RBFOX3: variants seen among roughly 807,000 people sequenced by gnomAD.
RBFOX3 encodes the protein RNA binding protein fox-1 homolog 3.
In RBFOX3, 17 loss-of-function variants were observed where a neutral mutation model predicts 48.7. That is an observed-to-expected ratio of 0.35 (90% confidence interval 0.24 to 0.52). The LOEUF (loss-of-function observed/expected upper bound fraction) is 0.52. Among genes scored for constraint, RBFOX3 ranks in the 20% least tolerant of loss-of-function variants. RBFOX3 has a pLI of 0.94. For synonymous variants in RBFOX3, 212 were observed against 209.5 expected (o/e 1.01, Z -0.10); for missense variants, 382 against 497.5 (o/e 0.77, Z 2.21).
chr17:79,449,741 G>A (rs1473953741), intron 2 of RBFOX3, among the ~76,000 whole-genome samples: 2 of 151,876 alleles, frequency 1.3e-5, no homozygotes, highest in African/African-American at 2.4e-5. Context: ...CCCAGCTCTG[G>A]GGGCGCACAT....
In RBFOX3 at chr17:79,212,013, G is replaced by A. The variant is rs191624086; in HGVS notation, c.-34+23753C>T. ...GAGGTTGTGGCCAGGCCAAGCTCCC[G>A]AAAGCTCTGGTCTCCTGGGGTCTTG... On this transcript the variant is annotated intron_variant, in intron 4 of 14. Coordinates refer to ENST00000693108, the MANE Select transcript of RBFOX3 (RefSeq NM_001350451.2). This position sits in a 1 kb window ranked among gnomAD's most constrained non-coding sequence, Gnocchi z 4.7. Among the ~76,000 whole-genome samples the A allele has an allele frequency of 4.6e-5, 7 of 152,170 alleles. No individual in the cohort carries two copies. Among genetic ancestry groups the A allele is most frequent in the Admixed American group, 2.6e-4 (4 of 15,278 alleles).
chr17:79,090,942 G>T, intron 14 of RBFOX3, 57 bp from the exon 15 acceptor site: 1 of 1,520,756 alleles, frequency 6.6e-7, no homozygotes, highest in Non-Finnish European at 8.8e-7. Flanking sequence ...CACAGCAGGT[G>T]TGAAGGCGAC....
At chr17:79,206,761 G>A (rs2057553790) in intron 4 of RBFOX3, among the ~76,000 whole-genome samples, 1 of 152,160 alleles carries the variant, frequency 6.6e-6, no homozygotes, top group Non-Finnish European at 1.5e-5. Context: ...GTGGGCTATG[G>A]CAGCTGGTGG....
chr17:79,276,626 A>G (rs566366150), intron 3 of RBFOX3, among the ~76,000 whole-genome samples: 1 of 152,184 alleles, frequency 6.6e-6, no homozygotes, highest in Non-Finnish European at 1.5e-5. Context: ...GAGAGGTTGC[A>G]GTGAGCCCAG....
At chr17:79,542,850 A>G (rs1427143490) in intron 1 of RBFOX3, among the ~76,000 whole-genome samples, 1 of 152,210 alleles carries the variant, frequency 6.6e-6, no homozygotes, top group Non-Finnish European at 1.5e-5. Flanking sequence ...ATTTAACCTA[A>G]TATATTCTAA....
intron 4 of RBFOX3, among the ~76,000 whole-genome samples, chr17:79,122,682 A>C (rs1215988813): frequency 6.8e-6 from 1 of 147,012 alleles, no homozygotes; most frequent in Non-Finnish European, 1.5e-5. Context: ...CTGCCGTAGG[A>C]TCCAGCAATC....
chr17:79,352,925 G>A (rs1436381261), intron 2 of RBFOX3, among the ~76,000 whole-genome samples: 5 of 152,180 alleles, frequency 3.3e-5, no homozygotes, highest in East Asian at 1.9e-4. Context: ...ACACTCCAGC[G>A]AGCACTGCCA....
In RBFOX3 at chr17:79,363,706, C is replaced by T. The variant is rs887777065; in HGVS notation, c.-174-55882G>A. ...GCAGGTGTTTCAGGGACCTCCGACA[C>T]GCCTCCAGAGCCCCCAACACCTCCA... On this transcript the variant is annotated intron_variant, in intron 2 of 14. Transcript: ENST00000693108. The surrounding 1 kb of genome is among the most constrained non-coding windows in gnomAD (Gnocchi z 4.7). 8.6e-5 allele frequency among the ~76,000 whole-genome samples: 13 copies of T among 151,956 alleles called. No homozygotes were observed. The highest frequency in any genetic ancestry group is 1.9e-4 in the East Asian group (1 of 5,182).
chr17:79,271,076 GA>G (rs557002193), intron 3 of RBFOX3, among the ~76,000 whole-genome samples: 4,114 of 90,020 alleles, frequency 0.046, 86 homozygotes, highest in Non-Finnish European at 0.069. Context: ...AAATTCATAA[GA>G]TTTTTTTTTT....
In RBFOX3 at chr17:79,477,107, C is replaced by T. The variant is rs1023635827; in HGVS notation, c.-175+5347G>A. Among the ~76,000 whole-genome samples the T allele has an allele frequency of 4.0e-5, 6 of 151,284 alleles. No homozygotes were observed. Among genetic ancestry groups the T allele is most frequent in the African/African-American group, 1.2e-4 (5 of 41,086 alleles). On this transcript the variant is annotated intron_variant, in intron 2 of 14. Transcript: ENST00000693108. This position sits in a 1 kb window ranked among gnomAD's most constrained non-coding sequence, Gnocchi z 4.8. ...AATTAGCCAGGCGTGGTGGTGGGCG[C>T]CTGTAATCCCAGTTACTCGGGAAGC...
the RBFOX3 span, among the ~76,000 whole-genome samples, chr17:79,619,952 G>C: frequency 6.6e-6 from 1 of 152,200 alleles, no homozygotes; most frequent in African/African-American, 2.4e-5. Context: ...GCTGCTTCCC[G>C]CACCCTGGAG....
At chr17:79,189,939 G>A (rs934682796) in intron 4 of RBFOX3, among the ~76,000 whole-genome samples, 18 of 152,346 alleles carry the variant, frequency 1.2e-4, no homozygotes, top group Admixed American at 3.3e-4. Context: ...GACAGCCTTT[G>A]CTCCTGCCAG....
intron 2 of RBFOX3, among the ~76,000 whole-genome samples, chr17:79,359,056 C>G (rs1208162263): frequency 2.0e-5 from 3 of 152,222 alleles, no homozygotes; most frequent in African/African-American, 7.2e-5. Context: ...TGGGTTTGCA[C>G]CAGGCCAGGT....
Position 79,356,348 on chromosome 17 carries a change from G to GTTTTTTTTT in RBFOX3, c.-174-48533_-174-48525dup, listed in dbSNP as rs58040659. On this transcript the variant is annotated intron_variant, in intron 2 of 14. Coordinates refer to ENST00000693108, the MANE Select transcript of RBFOX3 (RefSeq NM_001350451.2). Reference sequence around the variant, plus strand: ...ACTTTTTCACTTTTAAAACAGGGAAGTTTTTTTTTTTTTTTTTTTTTTTTT... The same window carrying GTTTTTTTTT: ...ACTTTTTCACTTTTAAAACAGGGAAGTTTTTTTTTTTTTTTTTTTTTTTTTTTTTTTTTT... 4.6e-4 allele frequency among the ~76,000 whole-genome samples: 22 copies of GTTTTTTTTT among 47,332 alleles called. 3 individuals are homozygous for GTTTTTTTTT. The highest frequency in any genetic ancestry group is 9.0e-4 in the South Asian group (1 of 1,106). 31.1% of individuals were successfully genotyped at this position (47,332 alleles called of 152,430 possible).
At chr17:79,588,675 G>A (rs1254489061) in intron 1 of RBFOX3, among the ~76,000 whole-genome samples, 1 of 152,100 alleles carries the variant, frequency 6.6e-6, no homozygotes, top group Non-Finnish European at 1.5e-5. Flanking sequence ...GCTTGGACCT[G>A]GGTGATATAA....
At chr17:79,399,410 C>G (rs985151627) in intron 2 of RBFOX3, among the ~76,000 whole-genome samples, 5 of 152,180 alleles carry the variant, frequency 3.3e-5, no homozygotes, top group Non-Finnish European at 7.3e-5. Flanking sequence ...ATTAGAGTGA[C>G]AGCATTGCAC....
chr17:79,449,396 C>A (rs1461953791), intron 2 of RBFOX3, among the ~76,000 whole-genome samples: 1 of 151,958 alleles, frequency 6.6e-6, no homozygotes, highest in Non-Finnish European at 1.5e-5. Flanking sequence ...TTCCCGGGTC[C>A]CCCTCTCAAC....
chr17:79,228,369 A>G (rs968505472), intron 4 of RBFOX3, among the ~76,000 whole-genome samples: 1 of 152,164 alleles, frequency 6.6e-6, no homozygotes, highest in Non-Finnish European at 1.5e-5. Context: ...ACTCTGCCCA[A>G]GCGGAACACG....
intron 2 of RBFOX3, among the ~76,000 whole-genome samples, chr17:79,341,234 ACACAGGTGTGTGTGTACATGTGTGTG>A (rs758437469): frequency 8.5e-5 from 13 of 152,322 alleles, no homozygotes; most frequent in Non-Finnish European, 1.6e-4. Flanking sequence ...AGGCAGGGGT[ACACAGGTGTGTGTGTACATGTGTGTG>A]CACAGGTGTG....
Sources: allele counts gnomAD v4.1 joint callset (sites outside exome capture counted in the v4.1 genomes callset), GRCh38; gene constraint gnomAD v4.1.1; non-coding constraint Gnocchi (gnomAD v3.1); transcripts MANE v1.5; gene names NCBI Gene and HGNC (gene_info 2026-07-23, HGNC 2026-07-21).